Variants in COL4A6 observed in about 807,000 individuals in gnomAD.
COL4A6 encodes collagen alpha-6(IV) chain.
A neutral mutation model predicts 126.7 loss-of-function variants in COL4A6; 59 were observed. The ratio of observed to expected loss-of-function variants is 0.47; its 90% CI spans 0.38 to 0.58. The LOEUF is 0.58. Among genes scored for constraint, COL4A6 ranks in the 20% least tolerant of loss-of-function variants. COL4A6 has a pLI of 0.00. For synonymous variants in COL4A6, 547 were observed against 496.6 expected (o/e 1.10, Z -1.35); for missense variants, 1,285 against 1,337.3 (o/e 0.96, Z 0.61).
At chrX:108,205,793 C>G in intron 9 of COL4A6, 98 bp from the exon 10 acceptor site, 1 of 702,985 alleles carries the variant, frequency 1.4e-6, no homozygotes. Context: ...ACTCAGCCAT[C>G]TTTCCTGCTT....
intron 2 of COL4A6, among the ~76,000 whole-genome samples, chrX:108,398,100 A>G (rs759875708): frequency 8.9e-6 from 1 of 112,392 alleles, no homozygotes; most frequent in African/African-American, 3.2e-5. Flanking sequence ...ATGTTAAAAT[A>G]GTTAAAGCTC....
At chrX:108,200,692 G>A (rs766180493) in intron 13 of COL4A6, among the ~76,000 whole-genome samples, 2 of 111,336 alleles carry the variant, frequency 1.8e-5, no homozygotes, top group South Asian at 7.6e-4. Context: ...ATTCGATAGT[G>A]GAGTAGGGTG....
At position 108,165,028 on chromosome X, in the gene COL4A6, G is replaced by T. The variant is rs752945513; in HGVS notation, c.3819C>A (p.Gly1273=). The change falls in exon 39 of 45, where the codon GGC becomes GGA. Residue 1273 remains glycine, a synonymous_variant. Coordinates refer to ENST00000334504, the MANE Select transcript of COL4A6 (RefSeq NM_033641.4). ...PGLDGERGRP[G]PAGPPGPPGP... is the part of the protein sequence containing the mutation. ...CAGGGGGACCTGGGGGTCCAGCGGG[G>T]CCTGGGCGGCCTAGGGATAAGATCG... 4 of 1,205,642 alleles carry T rather than the reference G, an allele frequency of 3.3e-6. No individual in the cohort carries two copies. The highest frequency in any genetic ancestry group is 4.5e-6 in the Non-Finnish European group (4 of 893,638).
At chrX:108,414,011 A>C (rs766388213) in intron 2 of COL4A6, among the ~76,000 whole-genome samples, 2 of 112,408 alleles carry the variant, frequency 1.8e-5, no homozygotes, top group Non-Finnish European at 3.8e-5. Flanking sequence ...AAATTCATAG[A>C]GACATGGAAA....
intron 8 of COL4A6, among the ~76,000 whole-genome samples, chrX:108,206,957 CAG>C (rs1407546242): frequency 9.0e-6 from 1 of 111,047 alleles, no homozygotes; most frequent in Admixed American, 9.6e-5. Context: ...TGAATTGGGG[CAG>C]AGATTGACAG....
chrX:108,318,543 A>T (rs2077546725), intron 2 of COL4A6, among the ~76,000 whole-genome samples: 1 of 111,252 alleles, frequency 9.0e-6, no homozygotes, highest in Non-Finnish European at 1.9e-5. Context: ...ATACAAAATC[A>T]ATGTACAAAA....
intron 12 of COL4A6, 32 bp from the exon 13 acceptor site, chrX:108,203,013 A>G: frequency 8.6e-7 from 1 of 1,166,251 alleles, no homozygotes; most frequent in Non-Finnish European, 1.2e-6. Context: ...AGTAAGTAGC[A>G]TCAGGAAGCA....
chrX:108,390,249 G>A (rs1010786205), intron 2 of COL4A6, among the ~76,000 whole-genome samples: 9 of 110,742 alleles, frequency 8.1e-5, no homozygotes, highest in Non-Finnish European at 1.3e-4. Flanking sequence ...GGTGTTCTCT[G>A]TATTTCCTGA....
intron 2 of COL4A6, among the ~76,000 whole-genome samples, chrX:108,398,908 G>A (rs923709086): frequency 9.0e-6 from 1 of 111,651 alleles, no homozygotes; most frequent in Non-Finnish European, 1.9e-5. Context: ...AAAGACAAAA[G>A]AGAAAAGTGG....
At chrX:108,428,817 A>G (rs1029533520) in intron 2 of COL4A6, among the ~76,000 whole-genome samples, 5 of 112,267 alleles carry the variant, frequency 4.5e-5, no homozygotes, top group African/African-American at 1.6e-4. Flanking sequence ...CTGAAATGAA[A>G]AAAAACACAC....
chrX:108,365,510 GT>G (rs1029874188), intron 2 of COL4A6, among the ~76,000 whole-genome samples: 2 of 111,602 alleles, frequency 1.8e-5, no homozygotes, highest in Non-Finnish European at 3.8e-5. Flanking sequence ...TTGAAAGTAG[GT>G]AAAAAAATTT....
chrX:108,374,420 C>T lies in COL4A6; in HGVS notation c.63+63522G>A, dbSNP rs140422634. Among the ~76,000 whole-genome samples, 345 of 111,985 alleles carry T rather than the reference C, an allele frequency of 3.1e-3. 1 individual carries two copies. The highest frequency in any genetic ancestry group is 0.011 in the African/African-American group (334 of 30,860). The stretch of plus-strand genomic sequence containing the variant: ...AGCTGTCCAAGGAATATAATAACCA[C>T]GGAAGAAATATTTAACACATTTTTT... On this transcript the variant is annotated intron_variant, in intron 2 of 44. Transcript: ENST00000334504.
In COL4A6 at chrX:108,219,680, A is replaced by G; in HGVS notation, c.324+18T>C. On this transcript the variant is annotated intron_variant, in intron 5 of 44. Transcript: ENST00000334504. ...ACCTAAAGGAGGATATGAAAAATTC[A>G]TCTGTGGACACACTCACCGGAATCC... 8.3e-7 allele frequency: 1 copy of G among 1,201,796 alleles called. No individual in the cohort carries two copies. Among genetic ancestry groups the G allele is most frequent in the Non-Finnish European group, 1.1e-6 (1 of 887,412 alleles).
rs1039982030 is a variant in COL4A6, at chrX:108,272,965, A to C, written c.144+37783T>G. 9.1e-5 allele frequency among the ~76,000 whole-genome samples: 10 copies of C among 109,637 alleles called. No homozygotes were observed. In the Admixed American group the frequency reaches 9.8e-4, roughly 11 times the overall value. Reference sequence around the variant, plus strand: ...TTATTATTATTATACTTTAAGTTCTAGGGTACATGTGCACAACTTGCAGGT... The same window carrying C: ...TTATTATTATTATACTTTAAGTTCTCGGGTACATGTGCACAACTTGCAGGT... On this transcript the variant is annotated intron_variant, in intron 3 of 44. Coordinates refer to ENST00000334504, the MANE Select transcript of COL4A6 (RefSeq NM_033641.4).
At chrX:108,397,643 G>GA (rs55735045) in intron 2 of COL4A6, among the ~76,000 whole-genome samples, 172 of 97,210 alleles carry the variant, frequency 1.8e-3, no homozygotes, top group African/African-American at 4.1e-3. Flanking sequence ...CTAACTCCCT[G>GA]AAAAAAAAAA....
At chrX:108,283,373 C>T (rs1220413015) in intron 3 of COL4A6, among the ~76,000 whole-genome samples, 1 of 111,031 alleles carries the variant, frequency 9.0e-6, no homozygotes, top group Non-Finnish European at 1.9e-5. Context: ...TCTCTCTTCC[C>T]TAAGCTGGAA....
intron 42 of COL4A6, 151 bp from the exon 43 acceptor site, chrX:108,160,805 C>G: frequency 2.1e-6 from 1 of 472,211 alleles, no homozygotes; most frequent in Non-Finnish European, 3.3e-6. Context: ...TATTACCACC[C>G]CAATTTTTAG....
intron 8 of COL4A6, among the ~76,000 whole-genome samples, chrX:108,208,911 C>G (rs1438668056): frequency 8.9e-6 from 1 of 111,873 alleles, no homozygotes; most frequent in Non-Finnish European, 1.9e-5. Context: ...ACCAAATGCC[C>G]TCTCCCCAAA....
intron 2 of COL4A6, among the ~76,000 whole-genome samples, chrX:108,386,016 G>A (rs1451895477): frequency 1.8e-5 from 2 of 111,207 alleles, no homozygotes; most frequent in Non-Finnish European, 3.8e-5. Flanking sequence ...ATGGTTTCCA[G>A]CTTCATCCAT....
Sources: allele counts gnomAD v4.1 joint callset (sites outside exome capture counted in the v4.1 genomes callset), GRCh38; gene constraint gnomAD v4.1.1; transcripts MANE v1.5; gene names NCBI Gene and HGNC (gene_info 2026-07-23, HGNC 2026-07-21).